MAD1L1: variants seen among roughly 807,000 people sequenced by gnomAD.
The protein encoded by MAD1L1 is mitotic spindle assembly checkpoint protein MAD1.
Under a neutral mutation model 96.9 loss-of-function variants are expected in MAD1L1, and 95 were observed. That is an observed-to-expected ratio of 0.98 (90% CI 0.83 to 1.16). The LOEUF (loss-of-function observed/expected upper bound fraction) is 1.16. MAD1L1 is among the 50% of genes most tolerant of loss of function. The probability of loss-of-function intolerance (pLI) is 0.00; values close to 1 mark genes in which losing one functional copy is unlikely to be tolerated. For synonymous variants in MAD1L1, 473 were observed against 396.6 expected, an observed-to-expected ratio of 1.19 and a Z score of -2.29; for missense variants, 1,007 against 954.4, an observed-to-expected ratio of 1.06 and a Z score of -0.73.
chr7:2,170,656 G>T (rs914970987), intron 10 of MAD1L1, among the ~76,000 whole-genome samples: 1 of 152,218 alleles, frequency 6.6e-6, no homozygotes, highest in African/African-American at 2.4e-5. Flanking sequence ...AAGAATAGTT[G>T]CAAGACGCAA....
intron 10 of MAD1L1, among the ~76,000 whole-genome samples, chr7:2,179,164 G>C (rs1272604990): frequency 6.6e-6 from 1 of 152,282 alleles, no homozygotes; most frequent in African/African-American, 2.4e-5. Flanking sequence ...TGGCTCTCAA[G>C]AAGAGTGCGC....
chr7:2,230,092 C>A lies in MAD1L1; in HGVS notation c.42G>T (p.Leu14=). The A allele has an allele frequency of 6.2e-7, 1 of 1,609,494 alleles. No homozygotes were observed. Among genetic ancestry groups the A allele is most frequent in the East Asian group, 2.2e-5 (1 of 44,790 alleles). The part of the protein sequence containing the change: ...LGENTMVLST[L]RSLNNFISQR... Reference sequence around the variant, plus strand: ...GAGAGATGAAGTTGTTCAAAGATCTCAGGGTGGATAAAACCATGGTGTTTT... The same window carrying A: ...GAGAGATGAAGTTGTTCAAAGATCTAAGGGTGGATAAAACCATGGTGTTTT... The change falls in exon 3 of 19, where the codon CTG becomes CTT. Residue 14 remains leucine (L), a synonymous_variant. Coordinates refer to ENST00000265854, the MANE Select transcript of MAD1L1 (RefSeq NM_001013836.2).
intron 10 of MAD1L1, among the ~76,000 whole-genome samples, chr7:2,162,641 A>T (rs532351436): frequency 1.9e-3 from 290 of 151,610 alleles, no homozygotes; most frequent in Non-Finnish European, 3.4e-3. Context: ...ATGATATCTT[A>T]AAAAAAATCC....
intron 11 of MAD1L1, among the ~76,000 whole-genome samples, chr7:2,141,105 C>G (rs1222711130): frequency 6.6e-6 from 1 of 152,200 alleles, no homozygotes; most frequent in Non-Finnish European, 1.5e-5. Flanking sequence ...GCAGCGGACG[C>G]TGGACCCGGC....
intron 11 of MAD1L1, among the ~76,000 whole-genome samples, chr7:2,095,950 C>T (rs540254831): frequency 1.1e-4 from 17 of 152,368 alleles, no homozygotes; most frequent in African/African-American, 3.6e-4. Flanking sequence ...AAGGAGAGCG[C>T]GGGTCCGCGG....
intron 11 of MAD1L1, among the ~76,000 whole-genome samples, chr7:2,145,583 C>T (rs1226471218): frequency 2.6e-5 from 4 of 152,248 alleles, no homozygotes; most frequent in Admixed American, 6.5e-5. Context: ...GGCCCAGCAG[C>T]TAACTCCGAG....
intron 10 of MAD1L1, among the ~76,000 whole-genome samples, chr7:2,173,011 T>A (rs1278957981): frequency 6.6e-6 from 1 of 152,206 alleles, no homozygotes; most frequent in Admixed American, 6.5e-5. Flanking sequence ...AATCTCCTTT[T>A]CTTCCATGTA....
chr7:2,044,891 G>T (rs1245637369), intron 12 of MAD1L1, among the ~76,000 whole-genome samples: 2 of 152,026 alleles, frequency 1.3e-5, no homozygotes, highest in Non-Finnish European at 2.9e-5. Context: ...GGAGGCAACA[G>T]CATGAACAAA....
intron 11 of MAD1L1, among the ~76,000 whole-genome samples, chr7:2,118,232 G>A (rs1194602501): frequency 2.0e-5 from 3 of 152,234 alleles, no homozygotes; most frequent in Non-Finnish European, 2.9e-5. Flanking sequence ...TGGAGTGGAT[G>A]GGGCAGCATC....
chr7:2,033,055 G>A (rs867711631), intron 12 of MAD1L1, among the ~76,000 whole-genome samples: 27 of 152,362 alleles, frequency 1.8e-4, no homozygotes, highest in African/African-American at 6.3e-4. Flanking sequence ...CCCAGCTGAC[G>A]CTGCCACTGA....
chr7:1,907,948 G>A (rs1174118576), intron 17 of MAD1L1, among the ~76,000 whole-genome samples: 3 of 152,242 alleles, frequency 2.0e-5, no homozygotes, highest in African/African-American at 7.2e-5. Context: ...CCCCTGCAGT[G>A]TGCGGCCCCC....
intron 18 of MAD1L1, among the ~76,000 whole-genome samples, chr7:1,833,024 C>T (rs1023731504): frequency 2.6e-5 from 4 of 152,166 alleles, no homozygotes; most frequent in Admixed American, 2.6e-4. Context: ...AAGCAAGAAC[C>T]TCCACCAGCA....
intron 13 of MAD1L1, among the ~76,000 whole-genome samples, chr7:2,011,909 A>G (rs1782321722): frequency 6.6e-6 from 1 of 152,128 alleles, no homozygotes; most frequent in African/African-American, 2.4e-5. Flanking sequence ...TGGGCAGAGG[A>G]GGCTGTGAGG....
At chr7:1,824,280 C>T (rs1782276905) in intron 18 of MAD1L1, among the ~76,000 whole-genome samples, 1 of 152,328 alleles carries the variant, frequency 6.6e-6, no homozygotes, top group South Asian at 2.1e-4. Context: ...GGCTTTCGCA[C>T]CCACCAGAAC....
chr7:1,995,216 G>C (rs908946091), intron 14 of MAD1L1, among the ~76,000 whole-genome samples: 2 of 152,194 alleles, frequency 1.3e-5, no homozygotes. Context: ...GAGAAGCCTC[G>C]GGGGGCACCT....
At chr7:2,167,532 G>A (rs1343206123) in intron 10 of MAD1L1, among the ~76,000 whole-genome samples, 3 of 151,714 alleles carry the variant, frequency 2.0e-5, no homozygotes, top group Non-Finnish European at 4.4e-5. Context: ...CTGGGCAACA[G>A]AGCGAGACTC....
In MAD1L1 at chr7:2,103,422, G is replaced by A. The variant is rs1175816085; in HGVS notation, c.1074-34084C>T. ...GATGACGTTTCTGTTTGGAAGAAGT[G>A]GGTGAGCACCTGAGAGGACAGAGGG... On this transcript the variant is annotated intron_variant, in intron 11 of 18. Coordinates refer to ENST00000265854, the MANE Select transcript of MAD1L1 (RefSeq NM_001013836.2). The surrounding 1 kb of genome is among the most constrained non-coding windows in gnomAD (Gnocchi z 4.3). Among the ~76,000 whole-genome samples, 1 of 152,158 alleles carries A rather than the reference G, an allele frequency of 6.6e-6. No homozygotes were observed. Among genetic ancestry groups the A allele is most frequent in the Non-Finnish European group, 1.5e-5 (1 of 68,026 alleles).
intron 10 of MAD1L1, chr7:2,193,562 G>A (rs532057614): frequency 4.6e-5 from 7 of 152,376 alleles, no homozygotes; most frequent in African/African-American, 1.4e-4. Flanking sequence ...ATGTGCTCCT[G>A]GGAACCCTCG....
chr7:1,928,463 C>T (rs1346516056), intron 17 of MAD1L1, among the ~76,000 whole-genome samples: 2 of 151,742 alleles, frequency 1.3e-5, no homozygotes, highest in Non-Finnish European at 2.9e-5. Context: ...GAGGAGCCCA[C>T]GACGGAACTC....
Sources: gnomAD v4.1 joint callset for allele counts (sites outside exome capture counted in the v4.1 genomes callset) on GRCh38, gnomAD v4.1.1 for gene constraint, Gnocchi (gnomAD v3.1) non-coding constraint, MANE v1.5 for transcripts, NCBI Gene and HGNC (gene_info 2026-07-23, HGNC 2026-07-21) for gene names.